GLT6D1: variants seen among roughly 807,000 people sequenced by gnomAD.
GLT6D1 encodes the protein putative glycosyltransferase 6 domain-containing protein 1.
In GLT6D1, 9 loss-of-function variants were observed where a neutral mutation model predicts 12.3. The ratio of observed to expected loss-of-function variants is 0.73; its 90% CI spans 0.44 to 1.27. The LOEUF (loss-of-function observed/expected upper bound fraction) is 1.27, where lower values mean the gene tolerates loss of function less well. Among genes scored for constraint, GLT6D1 ranks in the 50% most tolerant of loss-of-function variants. The pLI is 0.00. For missense variants in GLT6D1, 335 were observed against 346.2 expected, an observed-to-expected ratio of 0.97 and a Z score of 0.26; for synonymous variants, 128 against 132.3, an observed-to-expected ratio of 0.97 and a Z score of 0.23.
In GLT6D1 at chr9:135,639,444, G is replaced by A. The variant is rs373138535; in HGVS notation, c.-158C>T. 10 of 324,938 alleles carry A rather than the reference G, an allele frequency of 3.1e-5. No individual in the cohort carries two copies. Among genetic ancestry groups the A allele is most frequent in the East Asian group, 5.7e-5 (1 of 17,692 alleles). The allele number at this position is 324,938 out of a possible 1,614,324, so 20.1% of individuals were successfully genotyped here. On this transcript the variant is annotated 5_prime_UTR_variant, in exon 1 of 5. In the 5' UTR this introduces an upstream ATG that the reference lacks. Transcript: ENST00000371763. ...TCCCCGTGTTCACATCAAAGTCTGC[G>A]TTGATTGCATGAAAGAAACGCAATA...
chr9:135,624,450 T>C lies in GLT6D1; in HGVS notation c.478A>G (p.Ser160Gly), dbSNP rs1833438752. 1 of 1,614,174 alleles carries C rather than the reference T, an allele frequency of 6.2e-7. No homozygotes were observed. The highest frequency in any genetic ancestry group is 8.5e-7 in the Non-Finnish European group (1 of 1,180,040). The change falls in exon 5 of 5, where the codon AGT becomes GGT. Residue 160 changes from serine to glycine, a missense_variant. By Grantham distance (56) the Ser-to-Gly change is moderately conservative. Coordinates refer to ENST00000371763, the MANE Select transcript of GLT6D1 (RefSeq NM_182974.3). ...HVKSLGEHIA[S>G]HIQDEVDFLF... Reference sequence around the variant, plus strand: ...AAGTCCACCTCGTCCTGGATGTGACTGGCGATGTGTTCACCCAGGCTCTTC... The same window carrying C: ...AAGTCCACCTCGTCCTGGATGTGACCGGCGATGTGTTCACCCAGGCTCTTC...
Position 135,624,125 on chromosome 9 carries a change from T to G in GLT6D1, c.803A>C (p.Lys268Thr), listed in dbSNP as rs1265401557. 6.2e-7 allele frequency: 1 copy of G among 1,612,872 alleles called. No homozygotes were observed. The highest frequency in any genetic ancestry group is 1.1e-5 in the South Asian group (1 of 90,810). ...LNSTYEKHLN[K>T]YFYLNKPT ...GGTGGGTTTATTGAGGTAAAAATAT[T>G]TGTTAAGGTGCTTTTCATAAGTGCT... Residue 268 changes from lysine (K) to threonine (T), a missense_variant, in exon 5 of 5, where the codon AAA becomes ACA. Lys to Thr is a moderately conservative substitution (Grantham distance 78). Transcript: ENST00000371763.
intron 3 of GLT6D1, 78 bp downstream of exon 3, chr9:135,631,353 C>G: frequency 8.8e-7 from 1 of 1,138,418 alleles, no homozygotes; most frequent in Non-Finnish European, 1.3e-6. Context: ...AATTTGGTGA[C>G]TGGGGAAGAA....
At chr9:135,633,212 A>G (rs555669187) in intron 2 of GLT6D1, among the ~76,000 whole-genome samples, 22 of 152,120 alleles carry the variant, frequency 1.4e-4, no homozygotes, top group Non-Finnish European at 2.9e-4. Context: ...GACAACAAAT[A>G]TTCTCGCCGG....
upstream of GLT6D1, among the ~76,000 whole-genome samples, chr9:135,640,751 G>C (rs1484790613): frequency 2.0e-5 from 3 of 151,876 alleles, no homozygotes; most frequent in Non-Finnish European, 4.4e-5. Flanking sequence ...GAGAAAGAAA[G>C]AAAATGTGGC....
chr9:135,626,006 G>T lies in GLT6D1; in HGVS notation c.257+63C>A, dbSNP rs573659718. 6.3e-5 allele frequency: 99 copies of T among 1,563,120 alleles called. No homozygotes were observed. In the African/African-American group the frequency reaches 1.1e-3, roughly 18 times the overall value. ...TATGGTTGGCTCTTTGGAGGTTAAA[G>T]GCTCGTGAATGCTGATCCACATTTT... On this transcript the variant is annotated intron_variant, in intron 4 of 4. Transcript: ENST00000371763.
chr9:135,640,549 G>A (rs138620121), upstream of GLT6D1, among the ~76,000 whole-genome samples: 11 of 151,726 alleles, frequency 7.2e-5, no homozygotes, highest in Non-Finnish European at 1.2e-4. Flanking sequence ...TGAGACCCCC[G>A]TCTCTACTAA....
At position 135,639,177 on chromosome 9, in the gene GLT6D1, T is replaced by G. The variant is rs769675028; in HGVS notation, c.11A>C (p.Lys4Thr). MNS[K>T]RMLLLVLFAF... Reference sequence around the variant, plus strand: ...AAATAAAACCAATAACAGCATTCTTTTAGAATTCATTCTCTCCTAGGGAAA... The same window carrying G: ...AAATAAAACCAATAACAGCATTCTTGTAGAATTCATTCTCTCCTAGGGAAA... The change falls in exon 2 of 5, where the codon AAA becomes ACA. Residue 4 changes from lysine to threonine, a missense_variant. By Grantham distance (78) the Lys-to-Thr change is moderately conservative. Transcript: ENST00000371763. 1 of 1,575,356 alleles carries G rather than the reference T, an allele frequency of 6.3e-7. No individual in the cohort carries two copies.
intron 2 of GLT6D1, among the ~76,000 whole-genome samples, chr9:135,634,986 C>T (rs1458813597): frequency 8.5e-5 from 13 of 152,204 alleles, no homozygotes; most frequent in Non-Finnish European, 2.9e-5. Flanking sequence ...AGGACTGGGG[C>T]GTCAGGTTCT....
Position 135,639,207 on chromosome 9 carries a change from G to T in GLT6D1, c.-6-14C>A. 7.1e-7 allele frequency: 1 copy of T among 1,408,294 alleles called. No individual in the cohort carries two copies. The highest frequency in any genetic ancestry group is 1.2e-5 in the South Asian group (1 of 82,436). 87.2% of individuals were successfully genotyped at this position (1,408,294 alleles called of 1,614,324 possible). A position where few individuals can be genotyped will look rare whatever the true frequency, so the allele number is the denominator to read the frequency against. ...ATTCATTCTCTCCTAGGGAAAGAAG[G>T]AGAAAAAATTAGATTTTAAGCAATA... is the stretch of plus-strand genomic sequence containing the variant. On this transcript the variant is annotated splice_polypyrimidine_tract_variant and intron_variant, in intron 1 of 4. Coordinates refer to ENST00000371763, the MANE Select transcript of GLT6D1 (RefSeq NM_182974.3).
intron 3 of GLT6D1, among the ~76,000 whole-genome samples, chr9:135,629,146 T>C (rs1219823959): frequency 6.6e-6 from 1 of 152,082 alleles, no homozygotes; most frequent in Admixed American, 6.5e-5. Flanking sequence ...CCTTAGTGTA[T>C]AAAGTTTAAG....
At chr9:135,635,344 G>T in intron 2 of GLT6D1, among the ~76,000 whole-genome samples, 1 of 152,266 alleles carries the variant, frequency 6.6e-6, no homozygotes, top group Non-Finnish European at 1.5e-5. Context: ...CATCCCTCCT[G>T]GCACTATGAG....
At chr9:135,635,367 CA>C (rs1237605558) in intron 2 of GLT6D1, among the ~76,000 whole-genome samples, 14 of 152,304 alleles carry the variant, frequency 9.2e-5, no homozygotes, top group African/African-American at 3.1e-4. Context: ...GCTCTGGGCT[CA>C]TCTTGTAAAT....
chr9:135,632,442 C>A (rs899318173), intron 2 of GLT6D1, among the ~76,000 whole-genome samples: 1 of 152,176 alleles, frequency 6.6e-6, no homozygotes, highest in Non-Finnish European at 1.5e-5. Flanking sequence ...CACAGACATT[C>A]CATGATTGGA....
intron 2 of GLT6D1, among the ~76,000 whole-genome samples, chr9:135,634,442 C>CTT (rs370291630): frequency 0.23 from 12,368 of 54,770 alleles, 1,665 homozygotes; most frequent in East Asian, 0.38. Context: ...TTTTCCTTTC[C>CTT]TTTTTTTTTT....
rs199994242 is a variant in GLT6D1 at position 135,624,382 on chromosome 9, G to T, written c.546C>A (p.Phe182Leu). 5 of 1,614,142 alleles carry T rather than the reference G, an allele frequency of 3.1e-6. No homozygotes were observed. The East Asian group carries it at 1.1e-4, about 36-fold the overall frequency. Reference protein sequence around the residue: ...MAANQVFQNEFGVETLGPLVA... With the variant: ...MAANQVFQNELGVETLGPLVA... ...CCAACGGGCCCAGGGTCTCCACCCC[G>T]AACTCATTCTGGAAGACCTGGTTGG... Residue 182 changes from phenylalanine (F) to leucine (L), a missense_variant, in exon 5 of 5, where the codon TTC becomes TTA. Transcript: ENST00000371763.
chr9:135,634,132 TTTG>T (rs1300741374), intron 2 of GLT6D1, among the ~76,000 whole-genome samples: 1 of 152,108 alleles, frequency 6.6e-6, no homozygotes, highest in East Asian at 1.9e-4. Context: ...GGGTGGTCAT[TTTG>T]TTTTGCTTTT....
intron 3 of GLT6D1, among the ~76,000 whole-genome samples, chr9:135,630,417 AAAAAG>A (rs1833615399): frequency 6.6e-6 from 1 of 151,814 alleles, no homozygotes; most frequent in African/African-American, 2.4e-5. Context: ...AAAAAAAAAA[AAAAAG>A]AAGACTACAC....
chr9:135,636,913 C>T (rs922293781), intron 2 of GLT6D1, among the ~76,000 whole-genome samples: 12 of 151,984 alleles, frequency 7.9e-5, no homozygotes, highest in Non-Finnish European at 1.6e-4. Context: ...AGTGCGATGG[C>T]GTGATCTCAG....
Sources: gnomAD v4.1 joint callset for allele counts (sites outside exome capture counted in the v4.1 genomes callset) on GRCh38, gnomAD v4.1.1 for gene constraint, MANE v1.5 for transcripts, NCBI Gene and HGNC (gene_info 2026-07-23, HGNC 2026-07-21) for gene names.